Variants in THOC2 observed in about 807,000 individuals in gnomAD.
THOC2 encodes THO complex 2.
A neutral mutation model predicts 128.4 loss-of-function variants in THOC2; 10 were observed. That is an observed-to-expected ratio of 0.08 (90% CI 0.05 to 0.13). The LOEUF is 0.13. THOC2 is among the 10% of genes least tolerant of loss of function. The probability of loss-of-function intolerance (pLI) is 1.00; values close to 1 mark genes in which losing one functional copy is unlikely to be tolerated. For missense variants in THOC2, 535 were observed against 1,155.7 expected, an observed-to-expected ratio of 0.46 and a Z score of 7.79; for synonymous variants, 393 against 396.9, an observed-to-expected ratio of 0.99 and a Z score of 0.12.
chrX:123,625,892 A>G lies in THOC2; in HGVS notation c.3057+20T>C, dbSNP rs771629907. The G allele has an allele frequency of 1.7e-6, 2 of 1,197,298 alleles. No homozygotes were observed. Among genetic ancestry groups the G allele is most frequent in the East Asian group, 5.9e-5 (2 of 33,669 alleles). ...CTATCTTTGTGTGAGAACTTTTTAA[A>G]GGTTGCAATAAAAACTTACTCGATC... On this transcript the variant is annotated intron_variant, in intron 25 of 38. Coordinates refer to ENST00000245838, the MANE Select transcript of THOC2 (RefSeq NM_001081550.2).
At chrX:123,676,091 T>A (rs2049479484) in intron 8 of THOC2, among the ~76,000 whole-genome samples, 1 of 112,593 alleles carries the variant, frequency 8.9e-6, no homozygotes, top group Non-Finnish European at 1.9e-5. Flanking sequence ...ATGACAACTT[T>A]GTAAAAAGCT....
chrX:123,666,566 C>T (rs1172962289), intron 11 of THOC2, among the ~76,000 whole-genome samples: 1 of 111,606 alleles, frequency 9.0e-6, no homozygotes, highest in Non-Finnish European at 1.9e-5. Context: ...CAGCTGCTAT[C>T]AATACTGCTC....
chrX:123,700,737 C>T (rs1171567174), intron 4 of THOC2, among the ~76,000 whole-genome samples: 1 of 112,048 alleles, frequency 8.9e-6, no homozygotes, highest in Non-Finnish European at 1.9e-5. Flanking sequence ...CACAGCTTCG[C>T]TGAACCTCAT....
intron 8 of THOC2, among the ~76,000 whole-genome samples, chrX:123,680,489 A>G (rs768759767): frequency 4.7e-4 from 51 of 109,416 alleles, no homozygotes; most frequent in African/African-American, 1.5e-3. Context: ...GCCGGCATGG[A>G]TCCTCCGTAT....
intron 7 of THOC2, among the ~76,000 whole-genome samples, chrX:123,691,063 T>C (rs1217180496): frequency 1.8e-5 from 2 of 110,728 alleles, no homozygotes; most frequent in Admixed American, 1.9e-4. Flanking sequence ...AATACAAAAA[T>C]TAGACGGGCA....
chrX:123,621,422 G>C lies in THOC2; in HGVS notation c.3951C>G (p.Thr1317=), dbSNP rs755623630. The part of the protein sequence containing the change: ...RPNKDEKARE[T]KERTPKSDKE... ...TGTCAGACTTCGGCGTTCTTTCCTT[G>C]GTCTCTCTTGCTTTTTCATCTTTAT... Residue 1317 remains threonine, a synonymous_variant, in exon 31 of 39, where the codon ACC becomes ACG. Transcript: ENST00000245838. The C allele has an allele frequency of 1.7e-6, 2 of 1,208,654 alleles. No individual in the cohort carries two copies. Among genetic ancestry groups the C allele is most frequent in the South Asian group, 1.8e-5 (1 of 56,759 alleles).
intron 23 of THOC2, among the ~76,000 whole-genome samples, chrX:123,626,880 A>T (rs755960709): frequency 9.0e-6 from 1 of 111,725 alleles, no homozygotes; most frequent in African/African-American, 3.3e-5. Context: ...TGCAACACTG[A>T]CACTATTAGT....
At chrX:123,640,128 G>A (rs1375745110) in intron 16 of THOC2, among the ~76,000 whole-genome samples, 9 of 111,297 alleles carry the variant, frequency 8.1e-5, no homozygotes, top group Middle Eastern at 4.6e-3. Context: ...CAGAGGTTGC[G>A]GTGAGCCAAG....
rs2049451865 is a variant in THOC2, at chrX:123,675,535, T to C, written c.769-3774A>G. ...GCGCACCTGTAGTCCCAGCTGTACT[T>C]AGGAGGTTGAGGCAGGAGAATCACT... On this transcript the variant is annotated intron_variant, in intron 8 of 38. Transcript: ENST00000245838. Among the ~76,000 whole-genome samples the C allele has an allele frequency of 3.7e-5, 4 of 109,121 alleles. No homozygotes were observed. The Admixed American group carries it at 3.9e-4, about 11-fold the overall frequency. 94.8% of individuals were successfully genotyped at this position (109,121 alleles called of 115,157 possible). A position where few individuals can be genotyped will look rare whatever the true frequency, so the allele number is the denominator to read the frequency against.
chrX:123,610,019 ACT>A (rs778674419), intron 38 of THOC2, among the ~76,000 whole-genome samples: 35 of 109,553 alleles, frequency 3.2e-4, no homozygotes, highest in African/African-American at 1.1e-3. Flanking sequence ...ACAGAGTGAG[ACT>A]CTGTCTCAAA....
chrX:123,642,099 T>A lies in THOC2; in HGVS notation c.1662-1477A>T, dbSNP rs150526162. Among the ~76,000 whole-genome samples, 782 of 112,411 alleles carry A rather than the reference T, an allele frequency of 7.0e-3. 7 individuals are homozygous for A. The highest frequency in any genetic ancestry group is 0.023 in the African/African-American group (723 of 30,936). On this transcript the variant is annotated intron_variant, in intron 15 of 38. Transcript: ENST00000245838. ...AGCATTAGAAATACAAGGAAGATTG[T>A]GTCTCAGCCTTTTAGCTAAGGTCAG...
chrX:123,700,562 T>TGGGG (rs2050661688), intron 4 of THOC2, among the ~76,000 whole-genome samples: 1 of 12,406 alleles, frequency 8.1e-5, no homozygotes, highest in Non-Finnish European at 1.4e-4. Context: ...GGTGGGGGGG[T>TGGGG]GGGGAGGAAG....
At chrX:123,706,816 T>C in intron 3 of THOC2, 42 bp downstream of exon 3, 2 of 629,921 alleles carry the variant, frequency 3.2e-6, no homozygotes, top group Non-Finnish European at 4.6e-6. Flanking sequence ...AGCAAAAAGA[T>C]ATATAACAAC....
chrX:123,714,891 A>G (rs1240808466), intron 1 of THOC2, among the ~76,000 whole-genome samples: 1 of 112,128 alleles, frequency 8.9e-6, no homozygotes, highest in Non-Finnish European at 1.9e-5. Context: ...ACAACCAAAG[A>G]ATCAAAGAAT....
chrX:123,636,191 A>T lies in THOC2; in HGVS notation c.1922-16T>A, dbSNP rs1298589839. On this transcript the variant is annotated splice_polypyrimidine_tract_variant and intron_variant, in intron 18 of 38. Transcript: ENST00000245838. Reference sequence around the variant, plus strand: ...CTAGCCAGACCTATATAAAATAAAAAAAGAGTAAAAACAACTCATAAAACA... The same window carrying T: ...CTAGCCAGACCTATATAAAATAAAATAAGAGTAAAAACAACTCATAAAACA... 8.7e-7 allele frequency: 1 copy of T among 1,143,827 alleles called. No homozygotes were observed. 94.3% of individuals were successfully genotyped at this position (1,143,827 alleles called of 1,213,427 possible).
intron 25 of THOC2, among the ~76,000 whole-genome samples, chrX:123,625,358 G>A (rs369796668): frequency 1.2e-4 from 13 of 111,313 alleles, no homozygotes; most frequent in South Asian, 3.7e-4. Flanking sequence ...TCGGCCTCCC[G>A]AAGTACTGGG....
chrX:123,696,282 G>T, intron 6 of THOC2, 128 bp from the exon 7 acceptor site: 1 of 449,973 alleles, frequency 2.2e-6, no homozygotes, highest in Non-Finnish European at 3.6e-6. Context: ...GTTGTTGAAA[G>T]TTTACCTCTT....
chrX:123,670,854 A>G lies in THOC2; in HGVS notation c.861+815T>C, dbSNP rs767800578. Among the ~76,000 whole-genome samples the G allele has an allele frequency of 4.5e-5, 5 of 111,972 alleles. No homozygotes were observed. The South Asian group carries it at 1.9e-3, about 42-fold the overall frequency. On this transcript the variant is annotated intron_variant, in intron 9 of 38. Transcript: ENST00000245838. Reference sequence around the variant, plus strand: ...ATGCAAAATTTTTTTCTCCCTTCCTAGAGTATGACTGCTTCCAAGGTAAAG... The same window carrying G: ...ATGCAAAATTTTTTTCTCCCTTCCTGGAGTATGACTGCTTCCAAGGTAAAG...
chrX:123,718,212 A>C lies in THOC2; in HGVS notation c.72-5304T>G, dbSNP rs1055605618. On this transcript the variant is annotated intron_variant, in intron 1 of 38. Coordinates refer to ENST00000245838, the MANE Select transcript of THOC2 (RefSeq NM_001081550.2). ...GGAAAAAAGACAGTCTCTTCAATAA[A>C]GAATGTTGGGAAAACTTAATATCCA... Among the ~76,000 whole-genome samples the C allele has an allele frequency of 2.8e-4, 32 of 112,547 alleles. 1 individual carries two copies. Among genetic ancestry groups the C allele is most frequent in the Non-Finnish European group, 5.8e-4 (31 of 53,371 alleles).
Sources: allele counts gnomAD v4.1 joint callset (sites outside exome capture counted in the v4.1 genomes callset), GRCh38; gene constraint gnomAD v4.1.1; transcripts MANE v1.5; gene names NCBI Gene and HGNC (gene_info 2026-07-23, HGNC 2026-07-21).